The following ATG10 variants were observed in gnomAD, a reference collection of about 807,000 sequenced individuals.
ATG10 encodes the protein ubiquitin-like-conjugating enzyme ATG10.
A neutral mutation model predicts 32.1 loss-of-function variants in ATG10; 30 were observed. That is an observed-to-expected ratio of 0.94 (90% CI 0.70 to 1.27). ATG10 has a LOEUF of 1.27. Ranked by LOEUF, ATG10 falls within the 50% of genes most tolerant of loss-of-function variation. The probability of loss-of-function intolerance (pLI) is 0.00; values close to 1 mark genes in which losing one functional copy is unlikely to be tolerated. For synonymous variants in ATG10, 87 were observed against 91.5 expected, an observed-to-expected ratio of 0.95 and a Z score of 0.28; for missense variants, 233 against 262.3, an observed-to-expected ratio of 0.89 and a Z score of 0.77.
chr5:82,009,277 A>G (rs1762063751), intron 2 of ATG10, among the ~76,000 whole-genome samples: 1 of 152,196 alleles, frequency 6.6e-6, no homozygotes, highest in African/African-American at 2.4e-5. Flanking sequence ...TAAATCTTGC[A>G]GGCTAGGGAA....
At chr5:82,175,283 T>C (rs957351074) in intron 4 of ATG10, among the ~76,000 whole-genome samples, 3 of 152,150 alleles carry the variant, frequency 2.0e-5, no homozygotes, top group Admixed American at 6.5e-5. Flanking sequence ...GTAAATACTT[T>C]CCTGGCCTCT....
At chr5:82,026,750 C>T (rs1178021838) in intron 2 of ATG10, among the ~76,000 whole-genome samples, 6 of 152,094 alleles carry the variant, frequency 3.9e-5, no homozygotes, top group Non-Finnish European at 8.8e-5. Context: ...CATTAAAAGG[C>T]CTTTTACGTT....
chr5:82,132,587 T>A (rs530118288), intron 3 of ATG10, among the ~76,000 whole-genome samples: 1 of 152,208 alleles, frequency 6.6e-6, no homozygotes, highest in South Asian at 2.1e-4. Context: ...CATGAACTCA[T>A]CCTTTTTTAT....
At chr5:82,244,043 T>G (rs747347453) in intron 5 of ATG10, among the ~76,000 whole-genome samples, 1 of 152,162 alleles carries the variant, frequency 6.6e-6, no homozygotes, top group Non-Finnish European at 1.5e-5. Context: ...CAATTAAATA[T>G]CTGTTCAGTG....
At chr5:82,182,030 T>A (rs996728256) in intron 5 of ATG10, among the ~76,000 whole-genome samples, 1 of 152,192 alleles carries the variant, frequency 6.6e-6, no homozygotes, top group Admixed American at 6.5e-5. Flanking sequence ...TTAATTGTTA[T>A]AGTGAGTGTT....
chr5:82,130,981 C>T (rs186687385), intron 3 of ATG10, among the ~76,000 whole-genome samples: 84 of 152,134 alleles, frequency 5.5e-4, no homozygotes, highest in African/African-American at 1.9e-3. Context: ...AACAGAAAAC[C>T]AAATGCTACA....
intron 3 of ATG10, among the ~76,000 whole-genome samples, chr5:82,137,324 C>T (rs1766801804): frequency 6.6e-6 from 1 of 152,150 alleles, no homozygotes; most frequent in African/African-American, 2.4e-5. Flanking sequence ...CCTTTTTGTA[C>T]TGGTTTTTCC....
chr5:82,086,285 G>T (rs1472729619), intron 3 of ATG10, among the ~76,000 whole-genome samples: 4 of 151,882 alleles, frequency 2.6e-5, no homozygotes. Flanking sequence ...AATGTTTTCT[G>T]GTTACTGTTA....
At chr5:81,998,906 CAA>C (rs1761748234) in intron 2 of ATG10, among the ~76,000 whole-genome samples, 1 of 152,146 alleles carries the variant, frequency 6.6e-6, no homozygotes, top group East Asian at 1.9e-4. Flanking sequence ...TAAAGACCTA[CAA>C]AGAGACTTAG....
At chr5:82,072,706 T>C (rs888536609) in intron 3 of ATG10, among the ~76,000 whole-genome samples, 8 of 152,174 alleles carry the variant, frequency 5.3e-5, no homozygotes, top group Admixed American at 5.2e-4. Context: ...AAGTGTCTTA[T>C]TGGACACAAG....
chr5:82,077,886 G>A (rs1387589826), intron 3 of ATG10, among the ~76,000 whole-genome samples: 1 of 152,120 alleles, frequency 6.6e-6, no homozygotes, highest in African/African-American at 2.4e-5. Context: ...TTGTTGGCAG[G>A]TTCTTATAGG....
intron 5 of ATG10, among the ~76,000 whole-genome samples, chr5:82,189,849 T>C (rs576331321): frequency 6.6e-6 from 1 of 152,198 alleles, no homozygotes; most frequent in Non-Finnish European, 1.5e-5. Context: ...GGTCTTGAAC[T>C]CCTGACCTCA....
chr5:82,110,039 A>C (rs187609343), intron 3 of ATG10, among the ~76,000 whole-genome samples: 58 of 151,040 alleles, frequency 3.8e-4, no homozygotes, highest in Middle Eastern at 3.4e-3. Flanking sequence ...TATGCGTGAG[A>C]ACATGCGGTG....
chr5:82,044,906 T>G (rs575173568), intron 2 of ATG10, among the ~76,000 whole-genome samples: 15 of 152,336 alleles, frequency 9.8e-5, no homozygotes, highest in Non-Finnish European at 1.9e-4. Context: ...TCTGAGGATC[T>G]TGAGAATTAT....
chr5:82,051,549 A>G (rs1763425077), intron 2 of ATG10, among the ~76,000 whole-genome samples: 1 of 152,188 alleles, frequency 6.6e-6, no homozygotes, highest in Non-Finnish European at 1.5e-5. Flanking sequence ...GGCTAGCAGT[A>G]CTGATGAATC....
intron 5 of ATG10, among the ~76,000 whole-genome samples, chr5:82,196,070 A>C (rs1224034695): frequency 6.6e-6 from 1 of 152,104 alleles, no homozygotes; most frequent in Non-Finnish European, 1.5e-5. Flanking sequence ...CTTTCTTTTA[A>C]ATTACAGCTA....
intron 5 of ATG10, among the ~76,000 whole-genome samples, chr5:82,224,783 A>G (rs1333255123): frequency 1.3e-5 from 2 of 152,204 alleles, no homozygotes; most frequent in African/African-American, 2.4e-5. Flanking sequence ...AAAGAAATCC[A>G]TCAGTCAACA....
intron 3 of ATG10, among the ~76,000 whole-genome samples, chr5:82,159,804 A>G (rs916580534): frequency 2.6e-5 from 4 of 152,146 alleles, no homozygotes; most frequent in Non-Finnish European, 5.9e-5. Flanking sequence ...AATTTTATTT[A>G]GTTTTTAACA....
At chr5:81,973,914 A>C (rs1249673481) in intron 1 of ATG10, among the ~76,000 whole-genome samples, 2 of 152,230 alleles carry the variant, frequency 1.3e-5, no homozygotes, top group African/African-American at 4.8e-5. Context: ...TGGAGTGTTA[A>C]AAGATTATTT....
Sources: gnomAD v4.1 joint callset for allele counts (sites outside exome capture counted in the v4.1 genomes callset) on GRCh38, gnomAD v4.1.1 for gene constraint, MANE v1.5 for transcripts, NCBI Gene and HGNC (gene_info 2026-07-23, HGNC 2026-07-21) for gene names.